Variants in GXYLT1 observed in about 807,000 individuals in gnomAD.
GXYLT1 encodes the protein glycosyltransferase 8 domain containing 3.
In GXYLT1, 29 loss-of-function variants were observed where a neutral mutation model predicts 54.0. The ratio of observed to expected loss-of-function variants is 0.54; its 90% CI spans 0.40 to 0.73. The LOEUF (loss-of-function observed/expected upper bound fraction) is 0.73. GXYLT1 is among the 30% of genes least tolerant of loss of function. The pLI, the probability that GXYLT1 is intolerant of heterozygous loss-of-function variation, is 0.00. For synonymous variants in GXYLT1, 176 were observed against 204.1 expected (o/e 0.86, Z 1.17); for missense variants, 490 against 553.4 (o/e 0.89, Z 1.15).
intron 1 of GXYLT1, among the ~76,000 whole-genome samples, chr12:42,132,099 T>C (rs2065596549): frequency 6.6e-6 from 1 of 152,222 alleles, no homozygotes; most frequent in South Asian, 2.1e-4. Context: ...CAATACCATT[T>C]GCAGCCTCAA....
intron 1 of GXYLT1, among the ~76,000 whole-genome samples, chr12:42,130,598 C>T (rs112270526): frequency 4.3e-4 from 65 of 152,138 alleles, no homozygotes; most frequent in African/African-American, 1.4e-3. Context: ...ATAGAACTAC[C>T]ATATGATCCA....
At chr12:42,120,636 T>C (rs2065525218) in intron 2 of GXYLT1, among the ~76,000 whole-genome samples, 1 of 152,170 alleles carries the variant, frequency 6.6e-6, no homozygotes. Context: ...GCTCAAGCCA[T>C]CTTCCCATCT....
At chr12:42,089,196 GCACA>G (rs570822432) in intron 7 of GXYLT1, among the ~76,000 whole-genome samples, 20 of 152,036 alleles carry the variant, frequency 1.3e-4, no homozygotes, top group African/African-American at 4.8e-4. Context: ...AATAACAATA[GCACA>G]CAGAGTGCTT....
chr12:42,097,474 C>T lies in GXYLT1; in HGVS notation c.1129G>A (p.Ala377Thr). The change falls in exon 7 of 8, where the codon GCA (alanine) becomes ACA (threonine). Residue 377 changes from alanine to threonine, a missense_variant. Coordinates refer to ENST00000398675, the MANE Select transcript of GXYLT1 (RefSeq NM_173601.2). ...RGVYHDDKQPAFRAVYEALRN... is the reference protein window; with the variant it reads ...RGVYHDDKQPTFRAVYEALRN... ...AGTGCTTCATAAACAGCTCTAAATG[C>T]TGGTTGCTTATCGTCATGGTAAACA... 6.3e-7 allele frequency: 1 copy of T among 1,597,348 alleles called. No individual in the cohort carries two copies.
chr12:42,106,870 T>C (rs1217653056), intron 4 of GXYLT1, among the ~76,000 whole-genome samples: 1 of 150,882 alleles, frequency 6.6e-6, no homozygotes, highest in Admixed American at 6.6e-5. Context: ...CTCAGCCTCC[T>C]GAGTAACTGG....
Position 42,144,711 on chromosome 12 carries a change from G to A in GXYLT1, c.-65C>T, listed in dbSNP as rs1487662908. Reference sequence around the variant, plus strand: ...CCGCCCCGACGAACTGGAGCGGAGGGAGGGGCACCGCGCAGCCGCGGGCGC... The same window carrying A: ...CCGCCCCGACGAACTGGAGCGGAGGAAGGGGCACCGCGCAGCCGCGGGCGC... On this transcript the variant is annotated 5_prime_UTR_variant, in exon 1 of 8. Coordinates refer to ENST00000398675, the MANE Select transcript of GXYLT1 (RefSeq NM_173601.2). 8.9e-6 allele frequency: 11 copies of A among 1,232,148 alleles called. No individual in the cohort carries two copies. In the East Asian group the frequency reaches 3.0e-4, roughly 33 times the overall value. The allele number at this position is 1,232,148 out of a possible 1,614,324, so 76.3% of individuals were successfully genotyped here. A position where few individuals can be genotyped will look rare whatever the true frequency, so the allele number is the denominator to read the frequency against.
chr12:42,107,096 C>T (rs1373690344), intron 4 of GXYLT1, among the ~76,000 whole-genome samples: 1 of 152,044 alleles, frequency 6.6e-6, no homozygotes, highest in Admixed American at 6.6e-5. Context: ...GGTTCTGACT[C>T]CTACAAATTT....
chr12:42,137,209 C>T lies in GXYLT1; in HGVS notation c.221+7217G>A, dbSNP rs180978224. ...CCAACATGGTGAAACCTCATCTCTA[C>T]TAAAAATACAAAAATTAGGCCAGGC... On this transcript the variant is annotated intron_variant, in intron 1 of 7. Coordinates refer to ENST00000398675, the MANE Select transcript of GXYLT1 (RefSeq NM_173601.2). Among the ~76,000 whole-genome samples, 495 of 152,218 alleles carry T rather than the reference C, an allele frequency of 3.3e-3. 1 individual carries two copies. The highest frequency in any genetic ancestry group is 0.011 in the African/African-American group (461 of 41,540).
chr12:42,089,306 G>A (rs1411786475), intron 7 of GXYLT1, among the ~76,000 whole-genome samples: 3 of 132,362 alleles, frequency 2.3e-5, no homozygotes, highest in African/African-American at 8.6e-5. Flanking sequence ...ATGGACACAG[G>A]AAGGGGAACA....
intron 3 of GXYLT1, 135 bp from the exon 4 acceptor site, chr12:42,109,826 A>G (rs967536755): frequency 1.8e-6 from 1 of 546,924 alleles, no homozygotes; most frequent in Admixed American, 4.1e-5. Flanking sequence ...TAAAGGAAAG[A>G]TTCTTCTGTT....
intron 2 of GXYLT1, among the ~76,000 whole-genome samples, chr12:42,119,716 G>C (rs768533922): frequency 1.3e-5 from 2 of 152,080 alleles, no homozygotes; most frequent in Non-Finnish European, 2.9e-5. Flanking sequence ...GCTGACATGG[G>C]AGGATATTTT....
intron 5 of GXYLT1, among the ~76,000 whole-genome samples, chr12:42,104,692 GA>G (rs1450804235): frequency 6.6e-6 from 1 of 152,136 alleles, no homozygotes; most frequent in Admixed American, 6.5e-5. Flanking sequence ...AAGGTAAGAG[GA>G]AACAGTTCCA....
rs1422016913 is a variant in GXYLT1, at chr12:42,084,468, A to C, written c.*3318T>G. On this transcript the variant is annotated 3_prime_UTR_variant, in exon 8 of 8. Coordinates refer to ENST00000398675, the MANE Select transcript of GXYLT1 (RefSeq NM_173601.2). ...CGCTCTGTACAGAAAACAACGAACA[A>C]AACAGAACTTCAACAGTAACACTGG... 6.6e-6 allele frequency: 1 copy of C among 152,326 alleles called. No homozygotes were observed. The highest frequency in any genetic ancestry group is 2.4e-5 in the African/African-American group (1 of 41,490). The allele number at this position is 152,326 out of a possible 1,614,324, so 9.4% of individuals were successfully genotyped here. A position where few individuals can be genotyped will look rare whatever the true frequency, so the allele number is the denominator to read the frequency against.
rs1329829524 is a variant in GXYLT1, at chr12:42,086,643, TG to T, written c.*1142del. On this transcript the variant is annotated 3_prime_UTR_variant, in exon 8 of 8. Transcript: ENST00000398675. ...TTTCTCAAGATTTAAAAAAATTAAC[TG>T]TCTTAGGTGATATTCAAAAATGCAC... The T allele has an allele frequency of 6.6e-6, 1 of 152,044 alleles. No individual in the cohort carries two copies. 9.4% of individuals were successfully genotyped at this position (152,044 alleles called of 1,614,324 possible).
chr12:42,142,513 A>T (rs1453190408), intron 1 of GXYLT1, among the ~76,000 whole-genome samples: 1 of 146,334 alleles, frequency 6.8e-6, no homozygotes, highest in Non-Finnish European at 1.5e-5. Flanking sequence ...ATTTTTTTTT[A>T]ATTTTTTTAT....
Position 42,087,606 on chromosome 12 carries a change from G to A in GXYLT1, c.*180C>T, listed in dbSNP as rs778513726. ...GAGATAAAAAATGTTCAATGTTGAG[G>A]CCCAAGATTTTAACTTATTCTTCAT... On this transcript the variant is annotated 3_prime_UTR_variant, in exon 8 of 8. Transcript: ENST00000398675. 9.5e-5 allele frequency: 50 copies of A among 524,030 alleles called. No homozygotes were observed. Among genetic ancestry groups the A allele is most frequent in the Non-Finnish European group, 1.5e-4 (44 of 300,428 alleles). The allele number at this position is 524,030 out of a possible 1,614,324, so 32.5% of individuals were successfully genotyped here.
intron 1 of GXYLT1, among the ~76,000 whole-genome samples, chr12:42,143,613 T>C (rs1285309591): frequency 1.3e-5 from 2 of 152,222 alleles, no homozygotes; most frequent in African/African-American, 4.8e-5. Flanking sequence ...ATACATAAGG[T>C]GGAAGTGTCC....
Position 42,087,938 on chromosome 12 carries a change from C to A in GXYLT1, c.1171G>T (p.Glu391Ter). The A allele has an allele frequency of 6.6e-7, 1 of 1,508,944 alleles. No homozygotes were observed. The highest frequency in any genetic ancestry group is 8.9e-7 in the Non-Finnish European group (1 of 1,120,448). The allele number at this position is 1,508,944 out of a possible 1,614,324, so 93.5% of individuals were successfully genotyped here. ...VYEALRNCSF[E>*]DDNIRSLLKP... ...AATAAGGAACGGATGTTGTCATCTT[C>A]AAAAGAACACTAGAGAAAGAAAATT... The change falls in exon 8 of 8, where the codon GAA (glutamate) becomes TAA (stop). Residue 391 changes from glutamate to a stop codon, truncating the protein, a stop_gained. Transcript: ENST00000398675. LOFTEE classifies it high-confidence loss of function.
rs185921934 is a variant in GXYLT1, at chr12:42,120,748, C to T, written c.315-1577G>A. 4.7e-3 allele frequency among the ~76,000 whole-genome samples: 710 copies of T among 152,202 alleles called. 6 individuals carry two copies. Among genetic ancestry groups the T allele is most frequent in the African/African-American group, 0.016 (685 of 41,534 alleles). On this transcript the variant is annotated intron_variant, in intron 2 of 7. Transcript: ENST00000398675. The stretch of plus-strand genomic sequence containing the variant: ...ATGGGGTCTCACTATGTTGCCCAGG[C>T]TAGTCTCGAACTCCTGGCCTCAAGG...
Sources: allele counts gnomAD v4.1 joint callset (sites outside exome capture counted in the v4.1 genomes callset), GRCh38; gene constraint gnomAD v4.1.1; transcripts MANE v1.5; gene names NCBI Gene and HGNC (gene_info 2026-07-23, HGNC 2026-07-21).